Variants in KCNIP1 observed in about 807,000 individuals in gnomAD.
KCNIP1 encodes the protein A-type potassium channel modulatory protein KCNIP1.
KCNIP1 carries 18 observed loss-of-function variants against 33.0 expected under a neutral mutation model. That is an observed-to-expected ratio of 0.55 (90% CI 0.38 to 0.81). KCNIP1 has a LOEUF of 0.81. Among genes scored for constraint, KCNIP1 ranks in the 30% least tolerant of loss-of-function variants. The probability of loss-of-function intolerance (pLI) is 0.00; values close to 1 mark genes in which losing one functional copy is unlikely to be tolerated. For synonymous variants in KCNIP1, 93 were observed against 98.3 expected, an observed-to-expected ratio of 0.95 and a Z score of 0.32; for missense variants, 238 against 271.6, an observed-to-expected ratio of 0.88 and a Z score of 0.87.
Position 170,453,958 on chromosome 5 carries a change from CTTGA to C in KCNIP1, c.88+99998_88+100001del, listed in dbSNP as rs372314281. Among the ~76,000 whole-genome samples, 318 of 152,332 alleles carry C rather than the reference CTTGA, an allele frequency of 2.1e-3. 1 individual carries two copies. Among genetic ancestry groups the C allele is most frequent in the Non-Finnish European group, 3.5e-3 (238 of 68,030 alleles). On this transcript the variant is annotated intron_variant, in intron 1 of 7. Transcript: ENST00000377360. ...AAGTAAAATACAGACCAGCCAACAC[CTTGA>C]TTGCAGTCTTGTGAGACCTGGGGAA...
At chr5:170,653,050 G>A (rs538953666) in intron 1 of KCNIP1, among the ~76,000 whole-genome samples, 3 of 152,298 alleles carry the variant, frequency 2.0e-5, no homozygotes, top group South Asian at 2.1e-4. Flanking sequence ...AGCTGGGTCG[G>A]GGGAAGGAGC....
At chr5:170,555,545 G>A (rs184495541) in intron 1 of KCNIP1, among the ~76,000 whole-genome samples, 2 of 152,288 alleles carry the variant, frequency 1.3e-5, no homozygotes, top group South Asian at 4.1e-4. Context: ...CTGGCCCCAC[G>A]GTTTCTTCCC....
intron 1 of KCNIP1, chr5:170,379,006 G>A (rs1764127794): frequency 6.2e-7 from 1 of 1,601,542 alleles, no homozygotes; most frequent in South Asian, 1.1e-5. Flanking sequence ...CTGTGGGCTT[G>A]GAAATCCCCA....
At chr5:170,625,451 C>G (rs1359410852) in intron 1 of KCNIP1, among the ~76,000 whole-genome samples, 1 of 152,238 alleles carries the variant, frequency 6.6e-6, no homozygotes, top group Non-Finnish European at 1.5e-5. Context: ...CATGGGCACC[C>G]TCATCTCCGG....
At chr5:170,623,200 C>G (rs28655186) in intron 1 of KCNIP1, among the ~76,000 whole-genome samples, 17,713 of 147,860 alleles carry the variant, frequency 0.12, 1,192 homozygotes, top group African/African-American at 0.18. Flanking sequence ...AGGGGATTGG[C>G]GACCCCTGTC....
At chr5:170,586,616 T>G (rs1758000752) in intron 1 of KCNIP1, among the ~76,000 whole-genome samples, 1 of 152,228 alleles carries the variant, frequency 6.6e-6, no homozygotes, top group Admixed American at 6.5e-5. Flanking sequence ...TCTCAGTCCC[T>G]CATCTTCTCC....
At chr5:170,426,012 G>C (rs1755605684) in intron 1 of KCNIP1, among the ~76,000 whole-genome samples, 1 of 152,208 alleles carries the variant, frequency 6.6e-6, no homozygotes, top group African/African-American at 2.4e-5. Flanking sequence ...GCCCCGGGCA[G>C]GTCAGTTTGG....
At chr5:170,373,985 C>T (rs1412392921) in intron 1 of KCNIP1, among the ~76,000 whole-genome samples, 5 of 152,168 alleles carry the variant, frequency 3.3e-5, no homozygotes, top group African/African-American at 1.2e-4. Flanking sequence ...GCACTTTGCT[C>T]AAACAGTGTC....
At chr5:170,571,359 C>T (rs894553098) in intron 1 of KCNIP1, among the ~76,000 whole-genome samples, 2 of 152,346 alleles carry the variant, frequency 1.3e-5, no homozygotes, top group South Asian at 4.1e-4. Context: ...GCTGTATACT[C>T]CAGCAAGACT....
chr5:170,629,810 A>G (rs549818026), intron 1 of KCNIP1, among the ~76,000 whole-genome samples: 4 of 152,362 alleles, frequency 2.6e-5, no homozygotes, highest in African/African-American at 9.6e-5. Context: ...AGTGAAATGA[A>G]TTAACCCTGA....
intron 7 of KCNIP1, 61 bp downstream of exon 7, chr5:170,733,959 G>C: frequency 7.1e-7 from 1 of 1,417,326 alleles, no homozygotes; most frequent in African/African-American, 1.4e-5. Context: ...TGGGGCCTGG[G>C]GACCTGCAGA....
chr5:170,732,562 G>A (rs188593360), intron 5 of KCNIP1, among the ~76,000 whole-genome samples: 446 of 152,140 alleles, frequency 2.9e-3, no homozygotes, highest in Non-Finnish European at 5.4e-3. Flanking sequence ...CCATAACAAG[G>A]TAACCTACCC....
chr5:170,624,221 A>G (rs2113651317), intron 1 of KCNIP1, among the ~76,000 whole-genome samples: 1 of 152,350 alleles, frequency 6.6e-6, no homozygotes, highest in South Asian at 2.1e-4. Flanking sequence ...CACTAATCCA[A>G]ACCATATTTA....
chr5:170,572,435 C>T (rs1182526993), intron 1 of KCNIP1, among the ~76,000 whole-genome samples: 2 of 152,176 alleles, frequency 1.3e-5, no homozygotes, highest in African/African-American at 2.4e-5. Flanking sequence ...CCAAAACCCT[C>T]CCTTCTTGCG....
chr5:170,553,050 A>G (rs10056421), intron 1 of KCNIP1, among the ~76,000 whole-genome samples: 29,337 of 152,286 alleles, frequency 0.19, 3,054 homozygotes, highest in African/African-American at 0.26. Flanking sequence ...CTCAGGCTTC[A>G]GCAGCAAGCT....
At chr5:170,552,033 G>GTT (rs144482657) in intron 1 of KCNIP1, among the ~76,000 whole-genome samples, 2 of 151,974 alleles carry the variant, frequency 1.3e-5, no homozygotes, top group African/African-American at 4.8e-5. Context: ...ATGTGTGTGT[G>GTT]TGTGTGTTCA....
At position 170,388,025 on chromosome 5, in the gene KCNIP1, C is replaced by G. The variant is rs938136281; in HGVS notation, c.88+34061C>G. Among the ~76,000 whole-genome samples, 3 of 118,874 alleles carry G rather than the reference C, an allele frequency of 2.5e-5. 1 individual carries two copies. Among genetic ancestry groups the G allele is most frequent in the Admixed American group, 1.7e-4 (2 of 11,824 alleles). The allele number at this position is 118,874 out of a possible 152,430, so 78.0% of individuals were successfully genotyped here. A position where few individuals can be genotyped will look rare whatever the true frequency, so the allele number is the denominator to read the frequency against. On this transcript the variant is annotated intron_variant, in intron 1 of 7. Transcript: ENST00000377360. ...CTCCTTCCTGGCTAATCAGCCCCCCCCAGCGCCCAGGGCCATGGCCTCCTC... is the reference window on the plus strand; with the variant it reads ...CTCCTTCCTGGCTAATCAGCCCCCCGCAGCGCCCAGGGCCATGGCCTCCTC...
At chr5:170,385,289 T>C (rs1274377356) in intron 1 of KCNIP1, 3 of 1,612,270 alleles carry the variant, frequency 1.9e-6, no homozygotes, top group East Asian at 4.5e-5. Context: ...GGTTGGGGGG[T>C]GGGCAGGCCG....
intron 1 of KCNIP1, among the ~76,000 whole-genome samples, chr5:170,388,519 A>G (rs1764579184): frequency 6.6e-6 from 1 of 152,242 alleles, no homozygotes; most frequent in African/African-American, 2.4e-5. Flanking sequence ...ATATCTTCCC[A>G]TTTAGAAAGG....
Sources: allele counts gnomAD v4.1 joint callset (sites outside exome capture counted in the v4.1 genomes callset), GRCh38; gene constraint gnomAD v4.1.1; transcripts MANE v1.5; gene names NCBI Gene and HGNC (gene_info 2026-07-23, HGNC 2026-07-21).